Variants in TSPOAP1 observed in about 807,000 individuals in gnomAD.
TSPOAP1 encodes peripheral-type benzodiazepine receptor-associated protein 1.
TSPOAP1 carries 87 observed loss-of-function variants against 197.0 expected under a neutral mutation model. The ratio of observed to expected loss-of-function variants is 0.44; its 90% CI spans 0.37 to 0.53. The LOEUF is 0.53. Among genes scored for constraint, TSPOAP1 ranks in the 20% least tolerant of loss-of-function variants. The pLI, the probability that TSPOAP1 is intolerant of heterozygous loss-of-function variation, is 0.00. For synonymous variants in TSPOAP1, 913 were observed against 998.9 expected (o/e 0.91, Z 1.62); for missense variants, 2,174 against 2,411.3 (o/e 0.90, Z 2.06).
In TSPOAP1 at chr17:58,304,179, C is replaced by T. The variant is rs1970798297; in HGVS notation, c.*32+159G>A. The stretch of plus-strand genomic sequence containing the variant: ...GGGGAGCAGGGAGGGGGAGGGATGA[C>T]TCTTCATGCAAATCTGGCTCATGGC... On this transcript the variant is annotated intron_variant, in intron 31 of 31. Coordinates refer to ENST00000343736, the MANE Select transcript of TSPOAP1 (RefSeq NM_004758.4). This position sits in a 1 kb window ranked among gnomAD's most constrained non-coding sequence, Gnocchi z 4.2. 2 of 607,258 alleles carry T rather than the reference C, an allele frequency of 3.3e-6. No individual in the cohort carries two copies. Among genetic ancestry groups the T allele is most frequent in the Admixed American group, 5.5e-5 (2 of 36,540 alleles). 37.6% of individuals were successfully genotyped at this position (607,258 alleles called of 1,614,324 possible).
intron 16 of TSPOAP1, among the ~76,000 whole-genome samples, chr17:58,313,929 G>A (rs1442091179): frequency 1.3e-5 from 2 of 152,206 alleles, no homozygotes; most frequent in Non-Finnish European, 1.5e-5. Flanking sequence ...TGACAAGAGA[G>A]TATTTTAAAA....
In TSPOAP1 at chr17:58,308,739, G is replaced by T; in HGVS notation, c.4533C>A (p.Ser1511Arg). ...AGGAGCTGGTGATGCTGATGCCCCC[G>T]CTGCCCGCCTCCTGCTCATCCTCCG... ...YDSEDEQEAG[S>R]GGISITSSCY... Residue 1511 changes from serine to arginine, a missense_variant, in exon 22 of 32, where the codon AGC becomes AGA. Physicochemically the swap from Ser to Arg is moderately radical, Grantham distance 110 (BLOSUM62 -1). This residue lies in a region of TSPOAP1 where 1,933 missense variants were observed against 2,139.0 expected (regional missense o/e 0.90). Transcript: ENST00000343736. 6.2e-7 allele frequency: 1 copy of T among 1,612,960 alleles called. No individual in the cohort carries two copies. The highest frequency in any genetic ancestry group is 8.5e-7 in the Non-Finnish European group (1 of 1,179,972).
Position 58,301,755 on chromosome 17 carries a change from C to A in TSPOAP1, c.*725G>T. 6.3e-6 allele frequency: 1 copy of A among 157,490 alleles called. No individual in the cohort carries two copies. The highest frequency in any genetic ancestry group is 1.4e-5 in the Non-Finnish European group (1 of 70,822). The allele number at this position is 157,490 out of a possible 1,614,324, so 9.8% of individuals were successfully genotyped here. ...GCTGAACTGAGGCACTGAGTATATA[C>A]ATATATACAGGCTCCGCCCGCCTGC... On this transcript the variant is annotated 3_prime_UTR_variant, in exon 32 of 32. Coordinates refer to ENST00000343736, the MANE Select transcript of TSPOAP1 (RefSeq NM_004758.4).
rs894309543 is a variant in TSPOAP1 at position 58,324,639 on chromosome 17, G to C, written c.942+172C>G. 6.6e-6 allele frequency among the ~76,000 whole-genome samples: 1 copy of C among 152,050 alleles called. No individual in the cohort carries two copies. The highest frequency in any genetic ancestry group is 1.5e-5 in the Non-Finnish European group (1 of 67,950). ...AGGGCACGGCGCAGGTACGAGCACG[G>C]GAGGCTTGGAGGTGGACCCTGCCCA... On this transcript the variant is annotated intron_variant, in intron 5 of 31. Transcript: ENST00000343736. The surrounding 1 kb of genome is among the most constrained non-coding windows in gnomAD (Gnocchi z 5.8).
chr17:58,306,368 G>A lies in TSPOAP1; in HGVS notation c.5198C>T (p.Pro1733Leu), dbSNP rs1468860271. Residue 1733 changes from proline (P) to leucine (L), a missense_variant, in exon 26 of 32, where the codon CCT becomes CTT. Pro to Leu is a moderately conservative substitution (Grantham distance 98, BLOSUM62 -3). This residue lies in a region of TSPOAP1 where 161 missense variants were observed against 159.1 expected (regional missense o/e 1.01). Transcript: ENST00000343736. ...VYSTAHTTGP[P>L]PKPRRSKKAE... ...TTTCTTGGAGCGGCGGGGCTTGGGA[G>A]GAGGCCCAGTTGTGTGGGCTGTGGA... 2 of 1,554,620 alleles carry A rather than the reference G, an allele frequency of 1.3e-6. No individual in the cohort carries two copies. The highest frequency in any genetic ancestry group is 2.7e-5 in the African/African-American group (2 of 73,140).
In TSPOAP1 at chr17:58,328,123, T is replaced by C; in HGVS notation, c.-203A>G. 1.7e-6 allele frequency: 1 copy of C among 590,446 alleles called. No individual in the cohort carries two copies. The highest frequency in any genetic ancestry group is 4.5e-4 in the Middle Eastern group (1 of 2,202). 36.6% of individuals were successfully genotyped at this position (590,446 alleles called of 1,614,324 possible). On this transcript the variant is annotated 5_prime_UTR_variant, in exon 1 of 32. The change creates a new upstream start codon in the 5' untranslated region. Coordinates refer to ENST00000343736, the MANE Select transcript of TSPOAP1 (RefSeq NM_004758.4). This position sits in a 1 kb window ranked among gnomAD's most constrained non-coding sequence, Gnocchi z 4.3. The stretch of plus-strand genomic sequence containing the variant: ...GGGCTGCTGGAGCTGGAGCCAGGGG[T>C]ATGTGAGCTATGTTTGCTGGTAGCT...
In TSPOAP1 at chr17:58,322,208, C is replaced by T. The variant is rs1385238891; in HGVS notation, c.1422+100G>A. Reference sequence around the variant, plus strand: ...TCTTTGTTCCCCACAGTCTCCCCGACGCCTAGCACAGTGCCGGGCACACAG... The same window carrying T: ...TCTTTGTTCCCCACAGTCTCCCCGATGCCTAGCACAGTGCCGGGCACACAG... On this transcript the variant is annotated intron_variant, in intron 10 of 31. Coordinates refer to ENST00000343736, the MANE Select transcript of TSPOAP1 (RefSeq NM_004758.4). This position sits in a 1 kb window ranked among gnomAD's most constrained non-coding sequence, Gnocchi z 5.0. 6.5e-5 allele frequency: 78 copies of T among 1,207,928 alleles called. No individual in the cohort carries two copies. Among genetic ancestry groups the T allele is most frequent in the Admixed American group, 2.4e-4 (12 of 50,070 alleles). The allele number at this position is 1,207,928 out of a possible 1,614,324, so 74.8% of individuals were successfully genotyped here. A position where few individuals can be genotyped will look rare whatever the true frequency, so the allele number is the denominator to read the frequency against.
At chr17:58,317,394 C>A (rs1020981210) in intron 14 of TSPOAP1, among the ~76,000 whole-genome samples, 2 of 152,138 alleles carry the variant, frequency 1.3e-5, no homozygotes, top group Non-Finnish European at 2.9e-5. Context: ...CGGCCCACAG[C>A]CCAGGGCACC....
intron 27 of TSPOAP1, 53 bp downstream of exon 27, chr17:58,305,780 C>A: frequency 6.2e-7 from 1 of 1,605,954 alleles, no homozygotes; most frequent in Non-Finnish European, 8.5e-7. Flanking sequence ...GCCAGAGGGG[C>A]CACCCACCCT....
At chr17:58,320,747 C>G (rs1051415579) in intron 10 of TSPOAP1, among the ~76,000 whole-genome samples, 166 bp from the exon 11 acceptor site, 1 of 151,916 alleles carries the variant, frequency 6.6e-6, no homozygotes, top group South Asian at 2.1e-4. Context: ...AGGGGGAGGC[C>G]GAAGGGTTTC....
Position 58,310,859 on chromosome 17 carries a change from C to G in TSPOAP1, c.3436G>C (p.Asp1146His), listed in dbSNP as rs1465431295. ...SREMAKGSHE[D>H]PPAPCSQEEA... is the part of the protein sequence containing the mutation. ...ACCTGGGAGCAAGGTGCTGGAGGGT[C>G]CTCGTGGGACCCTTTTGCCATCTCT... is the stretch of plus-strand genomic sequence containing the variant. The change falls in exon 19 of 32, where the codon GAC becomes CAC. Residue 1146 changes from aspartate to histidine, a missense_variant. Physicochemically the swap from Asp to His is moderately conservative, Grantham distance 81 (BLOSUM62 -1). Transcript: ENST00000343736. 1 of 1,538,836 alleles carries G rather than the reference C, an allele frequency of 6.5e-7. No homozygotes were observed. The highest frequency in any genetic ancestry group is 8.7e-7 in the Non-Finnish European group (1 of 1,145,792).
At chr17:58,314,603 G>C (rs575127502) in intron 16 of TSPOAP1, among the ~76,000 whole-genome samples, 1 of 152,368 alleles carries the variant, frequency 6.6e-6, no homozygotes, top group South Asian at 2.1e-4. Context: ...CCCCCAAGGG[G>C]ATGCAGTTCT....
At chr17:58,307,459 G>A in intron 24 of TSPOAP1, 152 bp downstream of exon 24, 1 of 1,042,886 alleles carries the variant, frequency 9.6e-7, no homozygotes, top group Non-Finnish European at 1.4e-6. Flanking sequence ...TACACAGCTA[G>A]AAGCAGCAGA....
Position 58,311,919 on chromosome 17 carries a change from T to A in TSPOAP1, c.2902A>T (p.Thr968Ser). ...GCTGGGAGTGTGGTGAACTGCAGGGTGGCAGCCCGCTGCTCCAGCCTCTCC... is the reference window on the plus strand; with the variant it reads ...GCTGGGAGTGTGGTGAACTGCAGGGAGGCAGCCCGCTGCTCCAGCCTCTCC... The part of the protein sequence containing the change: ...GWERLEQRAA[T>S]LQFTTLPAGP... Residue 968 changes from threonine to serine, a missense_variant, in exon 17 of 32, where the codon ACC becomes TCC. Thr to Ser is a moderately conservative substitution (Grantham distance 58). This residue lies in a region of TSPOAP1 where 1,933 missense variants were observed against 2,139.0 expected (regional missense o/e 0.90). Transcript: ENST00000343736. The A allele has an allele frequency of 6.4e-7, 1 of 1,563,780 alleles. No individual in the cohort carries two copies. The highest frequency in any genetic ancestry group is 8.7e-7 in the Non-Finnish European group (1 of 1,154,714).
At position 58,324,818 on chromosome 17, in the gene TSPOAP1, G is replaced by A; in HGVS notation, c.935C>T (p.Pro312Leu). ...CCTTGCGCCGGCGCTCACCTCTCCC[G>A]GGGCCCCGGGAGCAGGCGCCCCTGC... ...ARAGAPAPGA[P>L]GEATPQEDAD... The change falls in exon 5 of 32, where the codon CCG (proline) becomes CTG (leucine). Residue 312 changes from proline (P) to leucine (L), a missense_variant. Coordinates refer to ENST00000343736, the MANE Select transcript of TSPOAP1 (RefSeq NM_004758.4). The surrounding 1 kb of genome is among the most constrained non-coding windows in gnomAD (Gnocchi z 5.8). The A allele has an allele frequency of 6.9e-7, 1 of 1,459,402 alleles. No individual in the cohort carries two copies. Among genetic ancestry groups the A allele is most frequent in the Non-Finnish European group, 9.0e-7 (1 of 1,110,462 alleles). The allele number at this position is 1,459,402 out of a possible 1,614,324, so 90.4% of individuals were successfully genotyped here.
intron 26 of TSPOAP1, 30 bp from the exon 27 acceptor site, chr17:58,305,895 T>TTCCCCC: frequency 1.9e-6 from 3 of 1,554,962 alleles, no homozygotes; most frequent in Non-Finnish European, 2.6e-6. Context: ...GTGAGCCCCC[T>TTCCCCC]CCCACCCTGC....
At chr17:58,318,715 G>A (rs1341129383) in intron 13 of TSPOAP1, among the ~76,000 whole-genome samples, 2 of 152,124 alleles carry the variant, frequency 1.3e-5, no homozygotes, top group African/African-American at 4.8e-5. Flanking sequence ...GAGAGGTTAA[G>A]CAGCATTCTC....
rs1358609046 is a variant in TSPOAP1 at position 58,328,196 on chromosome 17, TAGGG to T, written c.-280_-277del. 1.4e-5 allele frequency: 7 copies of T among 497,720 alleles called. No homozygotes were observed. Among genetic ancestry groups the T allele is most frequent in the Admixed American group, 1.3e-4 (4 of 30,068 alleles). 30.8% of individuals were successfully genotyped at this position (497,720 alleles called of 1,614,324 possible). A position where few individuals can be genotyped will look rare whatever the true frequency, so the allele number is the denominator to read the frequency against. On this transcript the variant is annotated 5_prime_UTR_variant, in exon 1 of 32. Coordinates refer to ENST00000343736, the MANE Select transcript of TSPOAP1 (RefSeq NM_004758.4). This position sits in a 1 kb window ranked among gnomAD's most constrained non-coding sequence, Gnocchi z 4.3. Reference sequence around the variant, plus strand: ...AGGAGCGAGGGTGTCCCTGTGGGGGTAGGGAGGATGTGCAGAGGCCACCGACAGC... The same window carrying T: ...AGGAGCGAGGGTGTCCCTGTGGGGGTAGGATGTGCAGAGGCCACCGACAGC...
In TSPOAP1 at chr17:58,304,425, G is replaced by T. The variant is rs1970812741; in HGVS notation, c.5545-26C>A. 1 of 1,606,044 alleles carries T rather than the reference G, an allele frequency of 6.2e-7. No homozygotes were observed. The highest frequency in any genetic ancestry group is 8.5e-7 in the Non-Finnish European group (1 of 1,172,822). Reference sequence around the variant, plus strand: ...CTGAGGACAGGGAACAAAGAGAGGAGATGGGTTACCGACAGACCCGCACCT... The same window carrying T: ...CTGAGGACAGGGAACAAAGAGAGGATATGGGTTACCGACAGACCCGCACCT... On this transcript the variant is annotated intron_variant, in intron 30 of 31. Transcript: ENST00000343736. This position sits in a 1 kb window ranked among gnomAD's most constrained non-coding sequence, Gnocchi z 4.2.
Sources: gnomAD v4.1 joint callset for allele counts (sites outside exome capture counted in the v4.1 genomes callset) on GRCh38, gnomAD v4.1.1 for gene constraint, gnomAD v4.1.1 regional missense constraint, Gnocchi (gnomAD v3.1) non-coding constraint, MANE v1.5 for transcripts, NCBI Gene and HGNC (gene_info 2026-07-23, HGNC 2026-07-21) for gene names.